The following CPSF3 variants were observed in gnomAD, a reference collection of about 807,000 sequenced individuals.
The protein encoded by CPSF3 is cleavage and polyadenylation specificity factor subunit 3.
CPSF3 carries 57 observed loss-of-function variants against 84.1 expected under a neutral mutation model. The ratio of observed to expected loss-of-function variants is 0.68; its 90% CI spans 0.55 to 0.85. The LOEUF (loss-of-function observed/expected upper bound fraction) is 0.85. Ranked by LOEUF, CPSF3 falls within the 40% of genes least tolerant of loss-of-function variation. CPSF3 has a pLI of 0.00. For synonymous variants in CPSF3, 275 were observed against 278.1 expected, an observed-to-expected ratio of 0.99 and a Z score of 0.11; for missense variants, 522 against 838.8, an observed-to-expected ratio of 0.62 and a Z score of 4.66.
intron 15 of CPSF3, among the ~76,000 whole-genome samples, chr2:9,459,838 T>C (rs1013114843): frequency 6.6e-6 from 1 of 151,406 alleles, no homozygotes; most frequent in Non-Finnish European, 1.5e-5. Flanking sequence ...TTAGTAGAGG[T>C]GGGGTTTCAC....
At chr2:9,466,659 C>A (rs980895270) in intron 15 of CPSF3, among the ~76,000 whole-genome samples, 4 of 152,142 alleles carry the variant, frequency 2.6e-5, no homozygotes, top group Non-Finnish European at 5.9e-5. Flanking sequence ...ACGTATGATG[C>A]CCCAATCTCT....
intron 11 of CPSF3, among the ~76,000 whole-genome samples, chr2:9,448,924 A>G (rs1681220566): frequency 2.0e-5 from 3 of 152,022 alleles, no homozygotes; most frequent in Admixed American, 2.0e-4. Flanking sequence ...TTTCCTACCC[A>G]CATCTGAGGG....
Position 9,471,344 on chromosome 2 carries a change from G to T in CPSF3, c.1858G>T (p.Asp620Tyr), listed in dbSNP as rs1372968975. The T allele has an allele frequency of 2.5e-6, 4 of 1,594,350 alleles. No individual in the cohort carries two copies. The change falls in exon 17 of 18, where the codon GAC becomes TAC. Residue 620 changes from aspartate (D) to tyrosine (Y), a missense_variant and splice_region_variant. By Grantham distance (160) the Asp-to-Tyr change is radical (BLOSUM62 -3). Transcript: ENST00000238112. ...TCCTGCATTTCTGCTTATTTTCAGGGACATATTTGGAGAAGACTGTGTAAG... is the reference window on the plus strand; with the variant it reads ...TCCTGCATTTCTGCTTATTTTCAGGTACATATTTGGAGAAGACTGTGTAAG... ...YSKRLEIMLQ[D>Y]IFGEDCVSVK...
At chr2:9,459,084 C>T (rs867000908) in intron 14 of CPSF3, among the ~76,000 whole-genome samples, 17 of 151,778 alleles carry the variant, frequency 1.1e-4, no homozygotes, top group Admixed American at 2.6e-4. Context: ...TGCACTCCAG[C>T]CTGGGCAATG....
At chr2:9,428,855 A>G (rs374625647) in intron 2 of CPSF3, 27 bp downstream of exon 2, 8 of 1,335,468 alleles carry the variant, frequency 6.0e-6, no homozygotes, top group African/African-American at 5.7e-5. Flanking sequence ...TACTCAGTTT[A>G]ATAGTATGGC....
intron 10 of CPSF3, among the ~76,000 whole-genome samples, chr2:9,445,555 C>G (rs1230522095): frequency 6.6e-6 from 1 of 152,136 alleles, no homozygotes; most frequent in Non-Finnish European, 1.5e-5. Flanking sequence ...ATTATTTGGT[C>G]AAGAAAAATC....
intron 16 of CPSF3, chr2:9,468,045 C>A (rs937850496): frequency 9.0e-6 from 3 of 332,434 alleles, no homozygotes; most frequent in African/African-American, 2.1e-5. Flanking sequence ...AGTTAGCAAG[C>A]GTTAAAACAT....
At chr2:9,440,841 C>A (rs1233601940) in intron 8 of CPSF3, among the ~76,000 whole-genome samples, 175 bp downstream of exon 8, 1 of 152,200 alleles carries the variant, frequency 6.6e-6, no homozygotes, top group Non-Finnish European at 1.5e-5. Context: ...GATAGTGAGA[C>A]CCTGTCTCTA....
At chr2:9,450,757 C>T (rs1681302166) in intron 11 of CPSF3, among the ~76,000 whole-genome samples, 1 of 152,182 alleles carries the variant, frequency 6.6e-6, no homozygotes, top group Non-Finnish European at 1.5e-5. Flanking sequence ...CACTGCACTC[C>T]AGCCTGAGCA....
chr2:9,432,218 C>G (rs1680614373), intron 4 of CPSF3, among the ~76,000 whole-genome samples: 1 of 151,950 alleles, frequency 6.6e-6, no homozygotes, highest in Non-Finnish European at 1.5e-5. Context: ...AAGTACTATC[C>G]TAAAGAGTAT....
At chr2:9,439,594 T>C (rs1230042450) in intron 7 of CPSF3, among the ~76,000 whole-genome samples, 2 of 152,090 alleles carry the variant, frequency 1.3e-5, no homozygotes, top group African/African-American at 4.8e-5. Context: ...CCTGATAAAA[T>C]TTTGGGATTT....
At chr2:9,465,589 T>C (rs1392185035) in intron 15 of CPSF3, among the ~76,000 whole-genome samples, 1 of 151,632 alleles carries the variant, frequency 6.6e-6, no homozygotes, top group African/African-American at 2.4e-5. Flanking sequence ...ATATAAAAAA[T>C]ATATAAAAGA....
chr2:9,449,192 A>G (rs988183663), intron 11 of CPSF3, among the ~76,000 whole-genome samples: 23 of 152,122 alleles, frequency 1.5e-4, no homozygotes, highest in Non-Finnish European at 3.2e-4. Flanking sequence ...CAACCTGGCC[A>G]ACATGGTAAA....
At chr2:9,454,777 C>G (rs1472210027) in intron 12 of CPSF3, among the ~76,000 whole-genome samples, 1 of 151,950 alleles carries the variant, frequency 6.6e-6, no homozygotes, top group East Asian at 1.9e-4. Flanking sequence ...ATCTCCTGAC[C>G]TCGTGATCCA....
At chr2:9,466,836 ACTTC>A (rs955656662) in intron 15 of CPSF3, among the ~76,000 whole-genome samples, 1 of 151,414 alleles carries the variant, frequency 6.6e-6, no homozygotes. Flanking sequence ...ATAAATTGGT[ACTTC>A]CTTCCTTTTT....
chr2:9,472,534 A>T (rs1682207047), intron 17 of CPSF3, among the ~76,000 whole-genome samples: 1 of 152,046 alleles, frequency 6.6e-6, no homozygotes. Context: ...CCCAGCCTCA[A>T]GTCATCACTA....
intron 11 of CPSF3, among the ~76,000 whole-genome samples, chr2:9,450,192 C>T (rs1681270163): frequency 1.3e-5 from 2 of 150,292 alleles, no homozygotes; most frequent in Non-Finnish European, 3.0e-5. Context: ...TGCTCTGTCG[C>T]CCAGGCTGGA....
intron 4 of CPSF3, among the ~76,000 whole-genome samples, chr2:9,432,256 T>C (rs1360025133): frequency 6.6e-6 from 1 of 152,194 alleles, no homozygotes; most frequent in East Asian, 1.9e-4. Context: ...TATGTATTAT[T>C]GAAAATTGAG....
chr2:9,434,739 G>C (rs557942903), intron 6 of CPSF3, among the ~76,000 whole-genome samples: 20 of 152,200 alleles, frequency 1.3e-4, no homozygotes, highest in Non-Finnish European at 2.6e-4. Context: ...AATGAACTGT[G>C]TACAGAAGCT....
Sources: gnomAD v4.1 joint callset for allele counts (sites outside exome capture counted in the v4.1 genomes callset) on GRCh38, gnomAD v4.1.1 for gene constraint, MANE v1.5 for transcripts, NCBI Gene and HGNC (gene_info 2026-07-23, HGNC 2026-07-21) for gene names.